The following PRKG1 variants were observed in gnomAD, a reference collection of about 807,000 sequenced individuals.
PRKG1 encodes cGMP-dependent protein kinase 1.
PRKG1 carries 35 observed loss-of-function variants against 88.1 expected under a neutral mutation model. That is an observed-to-expected ratio of 0.40 (90% CI 0.30 to 0.53). PRKG1 has a LOEUF of 0.53. Ranked by LOEUF, PRKG1 falls within the 20% of genes least tolerant of loss-of-function variation. The pLI is 0.59. For missense variants in PRKG1, 540 were observed against 839.8 expected, an observed-to-expected ratio of 0.64 and a Z score of 4.41; for synonymous variants, 303 against 292.5, an observed-to-expected ratio of 1.04 and a Z score of -0.37.
chr10:51,679,903 G>C (rs1840806652), intron 3 of PRKG1, among the ~76,000 whole-genome samples: 1 of 124,908 alleles, frequency 8.0e-6, no homozygotes. Flanking sequence ...TCCCCAGAGT[G>C]TGATATAACT....
intron 5 of PRKG1, among the ~76,000 whole-genome samples, chr10:51,952,932 G>C (rs1843219608): frequency 6.6e-6 from 1 of 152,158 alleles, no homozygotes; most frequent in Admixed American, 6.5e-5. Flanking sequence ...ATTAATACAT[G>C]TTTATTGTAT....
chr10:51,396,262 G>T (rs73332448), intron 2 of PRKG1, among the ~76,000 whole-genome samples: 1 of 152,042 alleles, frequency 6.6e-6, no homozygotes, highest in African/African-American at 2.4e-5. Context: ...TTAACTGGGC[G>T]TGGTGACATG....
chr10:52,168,881 G>A (rs1838574737), intron 9 of PRKG1, among the ~76,000 whole-genome samples: 1 of 152,128 alleles, frequency 6.6e-6, no homozygotes, highest in Non-Finnish European at 1.5e-5. Flanking sequence ...ATGGTTCCCA[G>A]GTTTGGAGAG....
At chr10:51,514,006 C>G (rs1435502717) in intron 3 of PRKG1, among the ~76,000 whole-genome samples, 5 of 133,890 alleles carry the variant, frequency 3.7e-5, no homozygotes, top group Non-Finnish European at 7.9e-5. Context: ...CAGAGCAGAA[C>G]TGAAGGAAAT....
intron 2 of PRKG1, among the ~76,000 whole-genome samples, chr10:51,211,912 A>T: frequency 6.6e-6 from 1 of 152,222 alleles, no homozygotes; most frequent in Non-Finnish European, 1.5e-5. Context: ...TATAGATTCA[A>T]TGCCATCCCC....
chr10:51,507,043 G>A (rs564345269), intron 3 of PRKG1, among the ~76,000 whole-genome samples: 2 of 151,692 alleles, frequency 1.3e-5, no homozygotes, highest in Non-Finnish European at 2.9e-5. Context: ...CAGCAAACTA[G>A]TGCAAGGACA....
At chr10:51,402,886 G>A (rs558773520) in intron 2 of PRKG1, among the ~76,000 whole-genome samples, 1 of 152,254 alleles carries the variant, frequency 6.6e-6, no homozygotes, top group African/African-American at 2.4e-5. Flanking sequence ...TTGTAAAAAG[G>A]GTCTCTTTAT....
At chr10:51,754,353 G>A (rs997936018) in intron 3 of PRKG1, among the ~76,000 whole-genome samples, 1 of 152,152 alleles carries the variant, frequency 6.6e-6, no homozygotes, top group Non-Finnish European at 1.5e-5. Flanking sequence ...TCATTCAGTG[G>A]CAAGGAGTCA....
intron 3 of PRKG1, among the ~76,000 whole-genome samples, chr10:51,723,759 A>C (rs970505017): frequency 6.6e-6 from 1 of 152,234 alleles, no homozygotes; most frequent in Non-Finnish European, 1.5e-5. Context: ...GAAGATTAAA[A>C]CCTCAAATGT....
chr10:51,532,782 T>A (rs1842050666), intron 3 of PRKG1, among the ~76,000 whole-genome samples: 1 of 152,176 alleles, frequency 6.6e-6, no homozygotes, highest in Admixed American at 6.5e-5. Context: ...GGATATACAC[T>A]TTTCCCAAAT....
At chr10:52,011,591 T>C (rs1204239235) in intron 5 of PRKG1, among the ~76,000 whole-genome samples, 2 of 152,152 alleles carry the variant, frequency 1.3e-5, no homozygotes, top group African/African-American at 4.8e-5. Flanking sequence ...CTGGAAACAG[T>C]TTCTTAAAAT....
chr10:51,314,910 C>A (rs1406682472), intron 2 of PRKG1, among the ~76,000 whole-genome samples: 1 of 152,186 alleles, frequency 6.6e-6, no homozygotes, highest in Non-Finnish European at 1.5e-5. Context: ...CCATTGGTCT[C>A]ACATCTATGC....
chr10:52,010,479 C>A (rs1903989), intron 5 of PRKG1, among the ~76,000 whole-genome samples: 61,005 of 151,998 alleles, frequency 0.4, 12,532 homozygotes, highest in East Asian at 0.65. Flanking sequence ...TTACTTAAAC[C>A]AGGGGTGTTG....
chr10:51,633,426 G>A (rs1331457957), intron 3 of PRKG1, among the ~76,000 whole-genome samples: 1 of 151,688 alleles, frequency 6.6e-6, no homozygotes, highest in Non-Finnish European at 1.5e-5. Context: ...AAACTCAAAA[G>A]CACATATAAA....
At chr10:51,043,170 G>A (rs1396630529) in intron 1 of PRKG1, among the ~76,000 whole-genome samples, 1 of 152,170 alleles carries the variant, frequency 6.6e-6, no homozygotes, top group Non-Finnish European at 1.5e-5. Flanking sequence ...GTGACCTTGA[G>A]TGAGGGTACT....
chr10:51,674,300 T>C (rs1024841221), intron 3 of PRKG1, among the ~76,000 whole-genome samples: 1 of 152,014 alleles, frequency 6.6e-6, no homozygotes, highest in Non-Finnish European at 1.5e-5. Context: ...GTACATTAGG[T>C]ATTTCTCCTA....
At chr10:51,933,876 A>G (rs918896046) in intron 5 of PRKG1, among the ~76,000 whole-genome samples, 2 of 152,172 alleles carry the variant, frequency 1.3e-5, no homozygotes, top group East Asian at 3.8e-4. Context: ...ATCTCTATAC[A>G]AGCACTTCAG....
At chr10:51,233,181 T>A (rs1838891777) in intron 2 of PRKG1, among the ~76,000 whole-genome samples, 1 of 152,128 alleles carries the variant, frequency 6.6e-6, no homozygotes, top group Non-Finnish European at 1.5e-5. Context: ...GAAGGAGCAA[T>A]GTTAGGATTG....
At chr10:51,667,142 A>G (rs1016078499) in intron 3 of PRKG1, among the ~76,000 whole-genome samples, 1 of 152,202 alleles carries the variant, frequency 6.6e-6, no homozygotes, top group African/African-American at 2.4e-5. Context: ...ATTGTTAATT[A>G]TATATAAATG....
Sources: gnomAD v4.1 joint callset for allele counts (sites outside exome capture counted in the v4.1 genomes callset) on GRCh38, gnomAD v4.1.1 for gene constraint, MANE v1.5 for transcripts, NCBI Gene and HGNC (gene_info 2026-07-23, HGNC 2026-07-21) for gene names.